The following LRCH2 variants were observed in gnomAD, a reference collection of about 807,000 sequenced individuals.
LRCH2 encodes the protein leucine-rich repeat and calponin homology domain-containing protein 2.
In LRCH2, 38 loss-of-function variants were observed where a neutral mutation model predicts 68.9. That is an observed-to-expected ratio of 0.55 (90% CI 0.43 to 0.72). The LOEUF (loss-of-function observed/expected upper bound fraction) is 0.72, where lower values mean the gene tolerates loss of function less well. Ranked by LOEUF, LRCH2 falls within the 30% of genes least tolerant of loss-of-function variation. The pLI, the probability that LRCH2 is intolerant of heterozygous loss-of-function variation, is 0.00. For synonymous variants in LRCH2, 191 were observed against 208.1 expected (o/e 0.92, Z 0.71); for missense variants, 528 against 572.9 (o/e 0.92, Z 0.80).
chrX:115,179,805 TTATA>T, intron 3 of LRCH2, 54 bp from the exon 4 acceptor site: 1 of 501,846 alleles, frequency 2.0e-6, no homozygotes, highest in South Asian at 5.9e-5. Context: ...AATACATATA[TTATA>T]TATATATATT....
chrX:115,166,141 A>G lies in LRCH2; in HGVS notation c.1086+114T>C, dbSNP rs1266383773. On this transcript the variant is annotated intron_variant, in intron 7 of 20. Transcript: ENST00000317135. ...GCCCTTTTTTTCAGTTTTAGTCATAAAATATAATGATCATATTTTCAAGCA... is the reference window on the plus strand; with the variant it reads ...GCCCTTTTTTTCAGTTTTAGTCATAGAATATAATGATCATATTTTCAAGCA... 4 of 652,758 alleles carry G rather than the reference A, an allele frequency of 6.1e-6. No homozygotes were observed. In the African/African-American group the frequency reaches 9.0e-5, roughly 15 times the overall value. 53.8% of individuals were successfully genotyped at this position (652,758 alleles called of 1,213,427 possible). A position where few individuals can be genotyped will look rare whatever the true frequency, so the allele number is the denominator to read the frequency against.
chrX:115,201,013 CAA>C (rs1316840063), intron 1 of LRCH2, among the ~76,000 whole-genome samples: 2 of 111,614 alleles, frequency 1.8e-5, no homozygotes, highest in African/African-American at 6.5e-5. Context: ...ATTTACAAAA[CAA>C]AGAGGTTTAT....
In LRCH2 at chrX:115,131,256, C is replaced by T. The variant is rs190313625; in HGVS notation, c.1696-1057G>A. On this transcript the variant is annotated intron_variant, in intron 14 of 20. Transcript: ENST00000317135. ...TATCTCCTAATGCAATCCCTCCCCCCCCCTCCACACCATGACAGGCCCTAG... is the reference window on the plus strand; with the variant it reads ...TATCTCCTAATGCAATCCCTCCCCCTCCCTCCACACCATGACAGGCCCTAG... 2.9e-4 allele frequency among the ~76,000 whole-genome samples: 28 copies of T among 98,013 alleles called. 1 individual carries two copies. Among genetic ancestry groups the T allele is most frequent in the Non-Finnish European group, 3.6e-4 (18 of 49,463 alleles). 85.1% of individuals were successfully genotyped at this position (98,013 alleles called of 115,157 possible). A position where few individuals can be genotyped will look rare whatever the true frequency, so the allele number is the denominator to read the frequency against.
chrX:115,170,158 A>G (rs2072593791), intron 6 of LRCH2, 141 bp downstream of exon 6: 1 of 472,422 alleles, frequency 2.1e-6, no homozygotes, highest in Middle Eastern at 6.8e-4. Context: ...TATGATGGTG[A>G]TATGTAGCTT....
rs1378779169 is a variant in LRCH2 at position 115,111,788 on chromosome X, A to G, written c.*1428T>C. On this transcript the variant is annotated 3_prime_UTR_variant, in exon 21 of 21. Transcript: ENST00000317135. ...CAGTTGTTCCTATACCATTTGGCAC[A>G]CTAGTTTTTTACCTTTTATATATAC... is the stretch of plus-strand genomic sequence containing the variant. 4.4e-5 allele frequency: 4 copies of G among 90,084 alleles called. No homozygotes were observed. The highest frequency in any genetic ancestry group is 2.1e-4 in the African/African-American group (4 of 19,351). The allele number at this position is 90,084 out of a possible 1,213,427, so 7.4% of individuals were successfully genotyped here.
At chrX:115,156,150 A>T (rs2072473114) in intron 12 of LRCH2, among the ~76,000 whole-genome samples, 1 of 111,727 alleles carries the variant, frequency 9.0e-6, no homozygotes, top group East Asian at 2.8e-4. Flanking sequence ...CAAACCATCA[A>T]AAAGAATAAA....
chrX:115,212,745 T>C (rs1327485189), intron 1 of LRCH2, among the ~76,000 whole-genome samples: 3 of 108,568 alleles, frequency 2.8e-5, no homozygotes, highest in Non-Finnish European at 5.7e-5. Context: ...CCGAGGAGGG[T>C]GGATTGCTTG....
intron 1 of LRCH2, chrX:115,189,531 G>A: frequency 8.5e-7 from 1 of 1,180,981 alleles, no homozygotes; most frequent in Non-Finnish European, 1.1e-6. Flanking sequence ...AGTTTGGCAA[G>A]TATGGCCACA....
chrX:115,174,601 C>CCCACA (rs1556549332), intron 5 of LRCH2, among the ~76,000 whole-genome samples: 44 of 66,587 alleles, frequency 6.6e-4, no homozygotes, highest in African/African-American at 2.1e-3. Flanking sequence ...ACCCCCCCCC[C>CCCACA]CACACACACA....
At chrX:115,216,340 A>C (rs2073041861) in intron 1 of LRCH2, among the ~76,000 whole-genome samples, 1 of 112,343 alleles carries the variant, frequency 8.9e-6, no homozygotes, top group South Asian at 3.7e-4. Flanking sequence ...CAAAATATTA[A>C]TGTTTATTCA....
At chrX:115,143,368 T>C (rs933622378) in intron 14 of LRCH2, among the ~76,000 whole-genome samples, 1 of 110,893 alleles carries the variant, frequency 9.0e-6, no homozygotes, top group African/African-American at 3.3e-5. Flanking sequence ...TGCCGATAAA[T>C]TGGAAACTCT....
intron 1 of LRCH2, among the ~76,000 whole-genome samples, chrX:115,226,136 AG>A (rs1417474240): frequency 1.8e-5 from 2 of 111,347 alleles, no homozygotes; most frequent in Admixed American, 1.9e-4. Flanking sequence ...GAGAAAAAGG[AG>A]GAGGGGGGAA....
In LRCH2 at chrX:115,111,011, G is replaced by T. The variant is rs1317358571; in HGVS notation, c.*2205C>A. 9.0e-6 allele frequency: 1 copy of T among 111,571 alleles called. No individual in the cohort carries two copies. The highest frequency in any genetic ancestry group is 3.3e-5 in the African/African-American group (1 of 30,730). 9.2% of individuals were successfully genotyped at this position (111,571 alleles called of 1,213,427 possible). The stretch of plus-strand genomic sequence containing the variant: ...TCTTAATTCAATAACTGATGAAATA[G>T]ATAATAGCCATAAAAACATTTAGAA... On this transcript the variant is annotated 3_prime_UTR_variant, in exon 21 of 21. Coordinates refer to ENST00000317135, the MANE Select transcript of LRCH2 (RefSeq NM_020871.4).
chrX:115,118,666 G>T (rs782043122), intron 20 of LRCH2, among the ~76,000 whole-genome samples: 2 of 111,187 alleles, frequency 1.8e-5, no homozygotes, highest in African/African-American at 3.3e-5. Flanking sequence ...TAACTCATTT[G>T]ATGAGGCCAG....
In LRCH2 at chrX:115,156,616, C is replaced by T. The variant is rs1556539793; in HGVS notation, c.1515G>A (p.Val505=). Residue 505 remains valine (V), a synonymous_variant, in exon 12 of 21, where the codon GTG becomes GTA. Transcript: ENST00000317135. ...TATTTTTATACCTCTTTTCACATTCCACAGTTTGTTTTGGCTTGTTTCTCA... is the reference window on the plus strand; with the variant it reads ...TATTTTTATACCTCTTTTCACATTCTACAGTTTGTTTTGGCTTGTTTCTCA... ...SVMRNKPKQT[V]ECEKSVSADE... 1 of 1,135,886 alleles carries T rather than the reference C, an allele frequency of 8.8e-7. No homozygotes were observed. Among genetic ancestry groups the T allele is most frequent in the Non-Finnish European group, 1.2e-6 (1 of 855,856 alleles). The allele number at this position is 1,135,886 out of a possible 1,213,427, so 93.6% of individuals were successfully genotyped here.
In LRCH2 at chrX:115,122,831, C is replaced by T; in HGVS notation, c.2029G>A (p.Val677Ile). The T allele has an allele frequency of 8.3e-7, 1 of 1,209,732 alleles. No homozygotes were observed. The highest frequency in any genetic ancestry group is 1.1e-6 in the Non-Finnish European group (1 of 894,115). Residue 677 changes from valine (V) to isoleucine (I), a missense_variant, in exon 19 of 21, where the codon GTT becomes ATT. By Grantham distance (29) the Val-to-Ile change is conservative. Coordinates refer to ENST00000317135, the MANE Select transcript of LRCH2 (RefSeq NM_020871.4). ...DIGAALMDGVVLCHLANHIRP... is the reference protein window; with the variant it reads ...DIGAALMDGVILCHLANHIRP... ...ATATGATTGGCTAAATGGCAAAGAA[C>T]AACCCCATCCATCAGTGCAGCTCCA...
At chrX:115,151,985 G>A (rs782721833) in intron 12 of LRCH2, among the ~76,000 whole-genome samples, 1 of 111,245 alleles carries the variant, frequency 9.0e-6, no homozygotes, top group African/African-American at 3.3e-5. Flanking sequence ...GATCTACAGA[G>A]GCATCCCTCA....
chrX:115,122,681 C>T (rs1180856110), intron 19 of LRCH2, 77 bp from the exon 20 acceptor site: 5 of 1,166,659 alleles, frequency 4.3e-6, no homozygotes, highest in Non-Finnish European at 5.8e-6. Context: ...ACTAAGTTCA[C>T]TGAGGTATAT....
chrX:115,174,087 C>G (rs2072626045), intron 5 of LRCH2, among the ~76,000 whole-genome samples: 1 of 111,099 alleles, frequency 9.0e-6, no homozygotes, highest in African/African-American at 3.3e-5. Flanking sequence ...GGATTTTTTA[C>G]AGTATGCAGG....
Sources: allele counts gnomAD v4.1 joint callset (sites outside exome capture counted in the v4.1 genomes callset), GRCh38; gene constraint gnomAD v4.1.1; transcripts MANE v1.5; gene names NCBI Gene and HGNC (gene_info 2026-07-23, HGNC 2026-07-21).